Variants in AHNAK2 observed in about 807,000 individuals in gnomAD.
AHNAK2 encodes protein AHNAK2.
AHNAK2 carries 18 observed loss-of-function variants against 30.7 expected under a neutral mutation model. The observed-to-expected ratio is 0.59, with a 90% CI of 0.41 to 0.87. AHNAK2 has a LOEUF of 0.87. Ranked by LOEUF, AHNAK2 falls within the 40% of genes least tolerant of loss-of-function variation. AHNAK2 has a pLI of 0.00. For synonymous variants in AHNAK2, 3,590 were observed against 3,073.8 expected, an observed-to-expected ratio of 1.17 and a Z score of -5.56; for missense variants, 8,604 against 7,373.0, an observed-to-expected ratio of 1.17 and a Z score of -6.11.
In AHNAK2 at chr14:104,970,556, C is replaced by A. The variant is rs976166477; in HGVS notation, c.55+7627G>T. ...GGTTCTTCCCTCCACAGCTCCTCCCCCCATTGTCCCGCCTCTGCCTGCTCC... is the reference window on the plus strand; with the variant it reads ...GGTTCTTCCCTCCACAGCTCCTCCCACCATTGTCCCGCCTCTGCCTGCTCC... On this transcript the variant is annotated intron_variant, in intron 1 of 6. Coordinates refer to ENST00000333244, the MANE Select transcript of AHNAK2 (RefSeq NM_138420.4). The A allele has an allele frequency of 8.2e-6, 8 of 979,418 alleles. No individual in the cohort carries two copies. In the Admixed American group the frequency reaches 2.5e-4, roughly 30 times the overall value. The allele number at this position is 979,418 out of a possible 1,614,324, so 60.7% of individuals were successfully genotyped here.
chr14:104,943,936 G>C lies in AHNAK2; in HGVS notation c.11515C>G (p.Leu3839Val), dbSNP rs374297640. 2.5e-6 allele frequency: 4 copies of C among 1,613,138 alleles called. No individual in the cohort carries two copies. The highest frequency in any genetic ancestry group is 4.5e-5 in the East Asian group (2 of 44,798). ...TTGAGGTCCCCCTGCATGGAGGGGA[G>C]ACTCACATCGGCCTCCACCTTGGGT... Reference protein sequence around the residue: ...SAPKVEADVSLPSMQGDLKTT... With the variant: ...SAPKVEADVSVPSMQGDLKTT... Residue 3839 changes from leucine (L) to valine (V), a missense_variant, in exon 7 of 7, where the codon CTC becomes GTC. By Grantham distance (32) the Leu-to-Val change is conservative (BLOSUM62 1). Coordinates refer to ENST00000333244, the MANE Select transcript of AHNAK2 (RefSeq NM_138420.4).
rs185154010 is a variant in AHNAK2 at position 104,950,538 on chromosome 14, G to A, written c.4913C>T (p.Ala1638Val). Residue 1638 changes from alanine (A) to valine (V), a missense_variant, in exon 7 of 7, where the codon GCG (alanine) becomes GTG (valine). Transcript: ENST00000333244. The part of the protein sequence containing the change: ...VQAPRAKLDG[A>V]QLEGDLSLAD... The stretch of plus-strand genomic sequence containing the variant: ...CAGGGACAGGTCCCCCTCCAGCTGC[G>A]CACCATCCAGCTTTGCTCTCGGGGC... 4.1e-3 allele frequency: 6,447 copies of A among 1,585,798 alleles called. 639 individuals carry two copies. Among genetic ancestry groups the A allele is most frequent in the East Asian group, 0.033 (1,459 of 44,154 alleles).
chr14:104,948,742 G>A lies in AHNAK2; in HGVS notation c.6709C>T (p.Pro2237Ser), dbSNP rs370438358. 2.5e-6 allele frequency: 4 copies of A among 1,612,002 alleles called. No individual in the cohort carries two copies. Among genetic ancestry groups the A allele is most frequent in the Non-Finnish European group, 3.4e-6 (4 of 1,179,568 alleles). The stretch of plus-strand genomic sequence containing the variant: ...TTGAAACTGGGCATCTGCAGCTTGG[G>A]CAGGTGCCCTTTGAGGCCGACTTCC... ...PEEVGLKGHL[P>S]KLQMPSFKVP... The change falls in exon 7 of 7, where the codon CCC becomes TCC. Residue 2237 changes from proline (P) to serine (S), a missense_variant. By Grantham distance (74) the Pro-to-Ser change is moderately conservative (BLOSUM62 -1). Transcript: ENST00000333244.
Position 104,952,550 on chromosome 14 carries a change from A to G in AHNAK2, c.2901T>C (p.Asp967=), listed in dbSNP as rs762026244. 8.1e-6 allele frequency: 13 copies of G among 1,610,478 alleles called. No individual in the cohort carries two copies. In the African/African-American group the frequency reaches 1.2e-4, roughly 15 times the overall value. Residue 967 remains aspartate, a synonymous_variant, in exon 7 of 7, where the codon GAT becomes GAC. Transcript: ENST00000333244. The stretch of plus-strand genomic sequence containing the variant: ...CCAGCTTGGCCTTCTGGGCCTGGAC[A>G]TCCACCTCCATGCTGGGCAGAGACA... ...GEVSLPSMEV[D]VQAQKAKLDG...
chr14:104,969,781 C>A (rs1440782674), intron 1 of AHNAK2, among the ~76,000 whole-genome samples: 2 of 152,186 alleles, frequency 1.3e-5, no homozygotes, highest in Admixed American at 1.3e-4. Context: ...CCAAAAGGAA[C>A]AGCCCCATGC....
chr14:104,953,966 T>C lies in AHNAK2; in HGVS notation c.1485A>G (p.Ala495=). ...RVHDLKTPKF[A]FSTEKEPERE... ...TTTCTGGCTCTTTTTCTGTGGAAAA[T>C]GCAAATTTTGGTGTCTTTAAATCGT... The change falls in exon 7 of 7, where the codon GCA becomes GCG. Residue 495 remains alanine (A), a synonymous_variant. Transcript: ENST00000333244. 1 of 1,613,942 alleles carries C rather than the reference T, an allele frequency of 6.2e-7. No homozygotes were observed. The highest frequency in any genetic ancestry group is 8.5e-7 in the Non-Finnish European group (1 of 1,179,892).
rs139604630 is a variant in AHNAK2 at position 104,947,963 on chromosome 14, A to C, written c.7488T>G (p.Ser2496=). 4,182 of 1,611,330 alleles carry C rather than the reference A, an allele frequency of 2.6e-3. 93 individuals are homozygous for C. The African/African-American group carries it at 0.029, about 11-fold the overall frequency. The change falls in exon 7 of 7, where the codon TCT becomes TCG. Residue 2496 remains serine (S), a synonymous_variant. Transcript: ENST00000333244. ...PKFKMPSFGV[S]APGKSIEASV... is the part of the protein sequence containing the mutation. Reference sequence around the variant, plus strand: ...AGGCCTCGATGGACTTGCCTGGGGCAGACACCCCGAATGACGGCATCTTGA... The same window carrying C: ...AGGCCTCGATGGACTTGCCTGGGGCCGACACCCCGAATGACGGCATCTTGA...
At position 104,938,901 on chromosome 14, in the gene AHNAK2, C is replaced by G. The variant is rs1252481124; in HGVS notation, c.16550G>C (p.Gly5517Ala). The change falls in exon 7 of 7, where the codon GGA becomes GCA. Residue 5517 changes from glycine to alanine, a missense_variant. Coordinates refer to ENST00000333244, the MANE Select transcript of AHNAK2 (RefSeq NM_138420.4). Reference protein sequence around the residue: ...PTSEIQTPSYGFSLLKVKIPE... With the variant: ...PTSEIQTPSYAFSLLKVKIPE... ...GATTTTCACTTTTAATAAGGAAAAT[C>G]CGTACGAAGGTGTTTGAATCTCTGA... The G allele has an allele frequency of 9.3e-6, 15 of 1,613,542 alleles. No individual in the cohort carries two copies. The highest frequency in any genetic ancestry group is 1.3e-5 in the African/African-American group (1 of 74,894).
At position 104,941,588 on chromosome 14, in the gene AHNAK2, T is replaced by G. The variant is rs1227650010; in HGVS notation, c.13863A>C (p.Val4621=). 2.5e-6 allele frequency: 4 copies of G among 1,613,278 alleles called. No individual in the cohort carries two copies. The highest frequency in any genetic ancestry group is 3.4e-6 in the Non-Finnish European group (4 of 1,179,854). ...CTTGAAACTTACTGTCTTTCCCAGC[T>G]ACATCCTCGTGGGCCAGGGACAGGT... ...EGDLSLAHED[V]AGKDSKFQGP... The change falls in exon 7 of 7, where the codon GTA becomes GTC. Residue 4621 remains valine (V), a synonymous_variant. Coordinates refer to ENST00000333244, the MANE Select transcript of AHNAK2 (RefSeq NM_138420.4).
chr14:104,950,365 A>C lies in AHNAK2; in HGVS notation c.5086T>G (p.Ser1696Ala). Reference protein sequence around the residue: ...PKVEADVSLPSMQGDLKTTDL... With the variant: ...PKVEADVSLPAMQGDLKTTDL... ...GTGGTCTTCAGGTCCCCCTGCATGG[A>C]GGGGAGGCTCACATCAGCTTCCACC... is the stretch of plus-strand genomic sequence containing the variant. The change falls in exon 7 of 7, where the codon TCC becomes GCC. Residue 1696 changes from serine (S) to alanine (A), a missense_variant. Ser to Ala is a moderately conservative substitution (Grantham distance 99). Coordinates refer to ENST00000333244, the MANE Select transcript of AHNAK2 (RefSeq NM_138420.4). The C allele has an allele frequency of 6.3e-7, 1 of 1,585,708 alleles. No homozygotes were observed. Among genetic ancestry groups the C allele is most frequent in the Non-Finnish European group, 8.6e-7 (1 of 1,162,464 alleles).
chr14:104,942,938 GGA>G lies in AHNAK2; in HGVS notation c.12511_12512del (p.Ser4171HisfsTer9). 1 of 1,613,484 alleles carries G rather than the reference GGA, an allele frequency of 6.2e-7. No individual in the cohort carries two copies. Among genetic ancestry groups the G allele is most frequent in the Non-Finnish European group, 8.5e-7 (1 of 1,179,678 alleles). ...LKAKADVSLP[S>X]MQGDLKTTDL... ...CAGTGGTCTTGAGGTCCCCCTGCAT[GGA>G]GGGGAGGCTCACGTCGGCTTTCGCC... On this transcript the variant is annotated frameshift_variant, in exon 7 of 7. Coordinates refer to ENST00000333244, the MANE Select transcript of AHNAK2 (RefSeq NM_138420.4). LOFTEE classifies it low-confidence loss of function (END_TRUNC).
Position 104,950,107 on chromosome 14 carries a change from C to A in AHNAK2, c.5344G>T (p.Val1782Leu). Residue 1782 changes from valine (V) to leucine (L), a missense_variant, in exon 7 of 7, where the codon GTG (valine) becomes TTG (leucine). Coordinates refer to ENST00000333244, the MANE Select transcript of AHNAK2 (RefSeq NM_138420.4). Reference sequence around the variant, plus strand: ...TCCACGCTGGGCAGAGACACCTCCACGTCGGGGGCCATCACCTCCGCCTTG... The same window carrying A: ...TCCACGCTGGGCAGAGACACCTCCAAGTCGGGGGCCATCACCTCCGCCTTG... ...GPKAEVMAPDVEVSLPSVEVD... is the reference protein window; with the variant it reads ...GPKAEVMAPDLEVSLPSVEVD... 1.3e-6 allele frequency: 2 copies of A among 1,587,176 alleles called. No homozygotes were observed. The highest frequency in any genetic ancestry group is 1.4e-5 in the African/African-American group (1 of 72,452).
Position 104,942,611 on chromosome 14 carries a change from C to T in AHNAK2, c.12840G>A (p.Leu4280=), listed in dbSNP as rs779495687. The change falls in exon 7 of 7, where the codon CTG becomes CTA. Residue 4280 remains leucine, a synonymous_variant. Coordinates refer to ENST00000333244, the MANE Select transcript of AHNAK2 (RefSeq NM_138420.4). ...TGTCGGCTAGGGACAGGTCACCCTC[C>T]AGCCGCACACTGTCCAGCTTGGCTC... ...APGAKLDSVR[L]EGDLSLADKD... is the part of the protein sequence containing the mutation. 3 of 1,613,256 alleles carry T rather than the reference C, an allele frequency of 1.9e-6. No homozygotes were observed. Among genetic ancestry groups the T allele is most frequent in the East Asian group, 2.2e-5 (1 of 44,776 alleles).
In AHNAK2 at chr14:104,946,838, C is replaced by T; in HGVS notation, c.8613G>A (p.Glu2871=). 6.2e-7 allele frequency: 1 copy of T among 1,612,762 alleles called. No homozygotes were observed. The highest frequency in any genetic ancestry group is 8.5e-7 in the Non-Finnish European group (1 of 1,179,670). ...TCACGTCCACCTGGCCAGCCTGGACCTCCAGTTGGGCGGAGGGGGGCTGAA... is the reference window on the plus strand; with the variant it reads ...TCACGTCCACCTGGCCAGCCTGGACTTCCAGTTGGGCGGAGGGGGGCTGAA... ...IRIQPPSAQL[E]VQAGQVDVKL... The change falls in exon 7 of 7, where the codon GAG becomes GAA. Residue 2871 remains glutamate (E), a synonymous_variant. Transcript: ENST00000333244.
rs377401789 is a variant in AHNAK2, at chr14:104,952,353, C to T, written c.3098G>A (p.Ser1033Asn). 42 of 1,612,570 alleles carry T rather than the reference C, an allele frequency of 2.6e-5. No homozygotes were observed. The highest frequency in any genetic ancestry group is 1.9e-4 in the South Asian group (17 of 91,046). Residue 1033 changes from serine (S) to asparagine (N), a missense_variant, in exon 7 of 7, where the codon AGT (serine) becomes AAT (asparagine). Ser to Asn is a conservative substitution (Grantham distance 46). Transcript: ENST00000333244. ...CAGGTCCCCCTGCATGGAGGGGAGA[C>T]TCAGGTCGGCCTCCACCTTGGGTGC... Reference protein sequence around the residue: ...VSAPKVEADLSLPSMQGDLKT... With the variant: ...VSAPKVEADLNLPSMQGDLKT...
chr14:104,976,359 G>C (rs933486784), intron 1 of AHNAK2, among the ~76,000 whole-genome samples: 1 of 152,214 alleles, frequency 6.6e-6, no homozygotes, highest in African/African-American at 2.4e-5. Flanking sequence ...TCGGGCAGAG[G>C]GCAGGTTTGG....
At position 104,951,932 on chromosome 14, in the gene AHNAK2, G is replaced by C. The variant is rs576599526; in HGVS notation, c.3519C>G (p.Phe1173Leu). The change falls in exon 7 of 7, where the codon TTC (phenylalanine) becomes TTG (leucine). Residue 1173 changes from phenylalanine to leucine, a missense_variant. Transcript: ENST00000333244. ...FKMPKFKMPS[F>L]GASAPGKSIE... ...TGGACTTGCCTGGGGCTGACGCCCC[G>C]AACGATGGCATCTTGAACTTGGGCA... is the stretch of plus-strand genomic sequence containing the variant. 3.8e-6 allele frequency: 6 copies of C among 1,582,564 alleles called. No individual in the cohort carries two copies. The highest frequency in any genetic ancestry group is 5.1e-6 in the Non-Finnish European group (6 of 1,169,782).
At chr14:104,957,067 G>C (rs941129328) in intron 3 of AHNAK2, among the ~76,000 whole-genome samples, 2 of 152,222 alleles carry the variant, frequency 1.3e-5, no homozygotes, top group Non-Finnish European at 2.9e-5. Context: ...TCCAGAGGTA[G>C]CCATGGGGCC....
chr14:104,962,716 C>T (rs1304824182), intron 1 of AHNAK2, among the ~76,000 whole-genome samples: 2 of 152,142 alleles, frequency 1.3e-5, no homozygotes, highest in African/African-American at 4.8e-5. Flanking sequence ...CGTGAGCCAC[C>T]ATGCCCGGCC....
Sources: gnomAD v4.1 joint callset for allele counts (sites outside exome capture counted in the v4.1 genomes callset) on GRCh38, gnomAD v4.1.1 for gene constraint, MANE v1.5 for transcripts, NCBI Gene and HGNC (gene_info 2026-07-23, HGNC 2026-07-21) for gene names.